Variants in TRIM25 observed in about 807,000 individuals in gnomAD.
The protein encoded by TRIM25 is tripartite motif containing 25.
Under a neutral mutation model 65.2 loss-of-function variants are expected in TRIM25, and 45 were observed. The ratio of observed to expected loss-of-function variants is 0.69; its 90% CI spans 0.54 to 0.89. TRIM25 has a LOEUF of 0.89. TRIM25 is among the 40% of genes least tolerant of loss of function. The pLI is 0.00. For missense variants in TRIM25, 714 were observed against 803.7 expected, an observed-to-expected ratio of 0.89 and a Z score of 1.35; for synonymous variants, 321 against 340.4, an observed-to-expected ratio of 0.94 and a Z score of 0.63.
In TRIM25 at chr17:56,913,760, G is replaced by A. The variant is rs1297553443; in HGVS notation, c.229C>T (p.Leu77=). The change falls in exon 1 of 9, where the codon CTG becomes TTG. Residue 77 remains leucine, a synonymous_variant. Transcript: ENST00000316881. This position sits in a 1 kb window ranked among gnomAD's most constrained non-coding sequence, Gnocchi z 6.1. ...GGCTCCCGGGCCAGGTCGGCCTGCA[G>A]GAACTGCTCCACCACGTTGCACAGC... is the stretch of plus-strand genomic sequence containing the variant. ...TVLCNVVEQF[L]QADLAREPPA... is the part of the protein sequence containing the mutation. 6.5e-7 allele frequency: 1 copy of A among 1,546,872 alleles called. No homozygotes were observed. The highest frequency in any genetic ancestry group is 1.4e-5 in the African/African-American group (1 of 73,404).
At chr17:56,911,286 A>AT (rs899510830) in intron 1 of TRIM25, among the ~76,000 whole-genome samples, 9 of 151,776 alleles carry the variant, frequency 5.9e-5, no homozygotes, top group South Asian at 2.1e-4. Context: ...AAGATTAAAA[A>AT]ATATATATAT....
Position 56,891,748 on chromosome 17 carries a change from G to T in TRIM25, c.1845C>A (p.Phe615Leu), listed in dbSNP as rs1451204358. The change falls in exon 9 of 9, where the codon TTC becomes TTA. Residue 615 changes from phenylalanine to leucine, a missense_variant. By Grantham distance (22) the Phe-to-Leu change is conservative. Transcript: ENST00000316881. ...GTGTGGCACCAGCAGAAAATACCCAGAAAGCCGGGTACAAAGCCTCAGTAA... is the reference window on the plus strand; with the variant it reads ...GTGTGGCACCAGCAGAAAATACCCATAAAGCCGGGTACAAAGCCTCAGTAA... ...VDFTEALYPA[F>L]WVFSAGATLS... 1.2e-6 allele frequency: 2 copies of T among 1,614,014 alleles called. No individual in the cohort carries two copies. The highest frequency in any genetic ancestry group is 4.5e-5 in the East Asian group (2 of 44,896).
chr17:56,895,226 G>T, intron 8 of TRIM25, 117 bp downstream of exon 8: 2 of 720,680 alleles, frequency 2.8e-6, no homozygotes, highest in Non-Finnish European at 4.8e-6. Context: ...CAAAGTAGAG[G>T]ACAAGTGAAG....
At chr17:56,909,471 T>G (rs2586522) in intron 1 of TRIM25, among the ~76,000 whole-genome samples, 116,634 of 151,908 alleles carry the variant, frequency 0.77, 45,049 homozygotes, top group East Asian at 0.83. Flanking sequence ...GATCATTTGC[T>G]CTCAGGAGTT....
At chr17:56,911,143 C>T (rs1462622061) in intron 1 of TRIM25, among the ~76,000 whole-genome samples, 1 of 152,042 alleles carries the variant, frequency 6.6e-6, no homozygotes, top group African/African-American at 2.4e-5. Context: ...GTGGTGCGTG[C>T]TTGTAGTCCT....
At position 56,895,438 on chromosome 17, in the gene TRIM25, G is replaced by A; in HGVS notation, c.1268C>T (p.Ala423Val). 1 of 1,614,190 alleles carries A rather than the reference G, an allele frequency of 6.2e-7. No individual in the cohort carries two copies. The highest frequency in any genetic ancestry group is 1.1e-5 in the South Asian group (1 of 91,082). ...VDLKQAGLEAAAKATSSHPNS... is the reference protein window; with the variant it reads ...VDLKQAGLEAVAKATSSHPNS... ...CGGATGTGAGCTGGTGGCTTTGGCT[G>A]CAGCTGGGAGAGGAAACAGAGAGTG... The change falls in exon 8 of 9, where the codon GCA becomes GTA. Residue 423 changes from alanine to valine, a missense_variant. Coordinates refer to ENST00000316881, the MANE Select transcript of TRIM25 (RefSeq NM_005082.5).
chr17:56,899,412 C>T (rs1452464690), intron 4 of TRIM25, among the ~76,000 whole-genome samples: 1 of 152,110 alleles, frequency 6.6e-6, no homozygotes, highest in African/African-American at 2.4e-5. Context: ...GTCTTTTTTC[C>T]ACCAGCACCC....
At chr17:56,905,662 T>C (rs1909505600) in intron 2 of TRIM25, among the ~76,000 whole-genome samples, 1 of 152,126 alleles carries the variant, frequency 6.6e-6, no homozygotes, top group Non-Finnish European at 1.5e-5. Context: ...AACTATAATA[T>C]TAAAATTAAT....
At chr17:56,900,580 CT>C (rs1473495660) in intron 4 of TRIM25, among the ~76,000 whole-genome samples, 1 of 152,134 alleles carries the variant, frequency 6.6e-6, no homozygotes, top group Non-Finnish European at 1.5e-5. Context: ...TTTTGCTGAT[CT>C]TTGAAGGGTG....
In TRIM25 at chr17:56,891,709, G is replaced by T; in HGVS notation, c.1884C>A (p.Ser628=). ...AGTGCCTACAGCCTGCCTACTTGGGGGAGCAGATGGAGAGTGTGGCACCAG... is the reference window on the plus strand; with the variant it reads ...AGTGCCTACAGCCTGCCTACTTGGGTGAGCAGATGGAGAGTGTGGCACCAG... ...FSAGATLSIC[S]PK is the part of the protein sequence containing the mutation. The change falls in exon 9 of 9, where the codon TCC becomes TCA. Residue 628 remains serine (S), a synonymous_variant. Transcript: ENST00000316881. The T allele has an allele frequency of 3.7e-6, 6 of 1,611,690 alleles. No homozygotes were observed. The highest frequency in any genetic ancestry group is 5.1e-6 in the Non-Finnish European group (6 of 1,178,256).
At position 56,891,823 on chromosome 17, in the gene TRIM25, G is replaced by A. The variant is rs1316301760; in HGVS notation, c.1770C>T (p.Phe590=). 2 of 1,614,246 alleles carry A rather than the reference G, an allele frequency of 1.2e-6. No homozygotes were observed. Among genetic ancestry groups the A allele is most frequent in the Non-Finnish European group, 1.7e-6 (2 of 1,180,040 alleles). The stretch of plus-strand genomic sequence containing the variant: ...GGTGGACCTTGTCGGCAACAGCGAA[G>A]AAGATGACAAAGCCGTGGTCACAGT... ...LLNCDHGFVI[F]FAVADKVHLM... The change falls in exon 9 of 9, where the codon TTC becomes TTT. Residue 590 remains phenylalanine (F), a synonymous_variant. Transcript: ENST00000316881.
In TRIM25 at chr17:56,896,056, A is replaced by G. The variant is rs544785218; in HGVS notation, c.1154-104T>C. 432 of 1,255,980 alleles carry G rather than the reference A, an allele frequency of 3.4e-4. 3 individuals are homozygous for G. In the Middle Eastern group the frequency reaches 3.7e-3, roughly 11 times the overall value. 77.8% of individuals were successfully genotyped at this position (1,255,980 alleles called of 1,614,324 possible). On this transcript the variant is annotated intron_variant, in intron 5 of 8. Transcript: ENST00000316881. ...CATGAATTTGACCCAGACAAATAAA[A>G]GGATGTTTTAATTTGAAAAACAGAA...
Position 56,913,333 on chromosome 17 carries a change from C to CA in TRIM25, c.597+58_597+59insT. The CA allele has an allele frequency of 6.9e-7, 1 of 1,455,694 alleles. No homozygotes were observed. The highest frequency in any genetic ancestry group is 9.2e-7 in the Non-Finnish European group (1 of 1,092,438). 90.2% of individuals were successfully genotyped at this position (1,455,694 alleles called of 1,614,324 possible). A position where few individuals can be genotyped will look rare whatever the true frequency, so the allele number is the denominator to read the frequency against. The stretch of plus-strand genomic sequence containing the variant: ...AGTGTGGCAGAGAGGCCCCCGGTGG[C>CA]CCCTCTGCACCACCCATCAGGCCAG... On this transcript the variant is annotated intron_variant, in intron 1 of 8. Transcript: ENST00000316881. The surrounding 1 kb of genome is among the most constrained non-coding windows in gnomAD (Gnocchi z 6.1).
intron 8 of TRIM25, 117 bp from the exon 9 acceptor site, chr17:56,892,346 C>G (rs1309070963): frequency 8.7e-7 from 1 of 1,144,046 alleles, no homozygotes; most frequent in Non-Finnish European, 1.2e-6. Context: ...CCCATCTACC[C>G]ATTGGTCCAT....
chr17:56,908,816 T>A (rs1313953262), intron 1 of TRIM25: 2 of 453,528 alleles, frequency 4.4e-6, no homozygotes, highest in East Asian at 7.1e-5. Flanking sequence ...GCTGTGCAAC[T>A]GTGTCCTTCA....
chr17:56,896,075 A>C, intron 5 of TRIM25, 123 bp from the exon 6 acceptor site: 2 of 1,106,614 alleles, frequency 1.8e-6, no homozygotes, highest in Non-Finnish European at 2.6e-6. Context: ...TAATTTGAAA[A>C]ACAGAAGGAG....
intron 2 of TRIM25, among the ~76,000 whole-genome samples, chr17:56,906,984 C>T (rs2144361059): frequency 6.6e-6 from 1 of 152,330 alleles, no homozygotes; most frequent in South Asian, 2.1e-4. Context: ...CTTCCAGTGA[C>T]CCATGCCCAG....
At chr17:56,904,598 T>C in intron 2 of TRIM25, 110 bp from the exon 3 acceptor site, 1 of 1,007,094 alleles carries the variant, frequency 9.9e-7, no homozygotes, top group Non-Finnish European at 1.5e-6. Context: ...CTGTACTTTG[T>C]GGGAGAACAA....
intron 5 of TRIM25, among the ~76,000 whole-genome samples, chr17:56,897,322 C>T (rs1909313805): frequency 6.6e-6 from 1 of 152,160 alleles, no homozygotes; most frequent in Non-Finnish European, 1.5e-5. Flanking sequence ...TATCCCTGCC[C>T]ACCTGCAGGA....
Sources: gnomAD v4.1 joint callset for allele counts (sites outside exome capture counted in the v4.1 genomes callset) on GRCh38, gnomAD v4.1.1 for gene constraint, Gnocchi (gnomAD v3.1) non-coding constraint, MANE v1.5 for transcripts, NCBI Gene and HGNC (gene_info 2026-07-23, HGNC 2026-07-21) for gene names.